The following TAF1D variants were observed in gnomAD, a reference collection of about 807,000 sequenced individuals.
The protein encoded by TAF1D is TATA-box binding protein associated factor, RNA polymerase I subunit D, also known as TATA box-binding protein-associated factor RNA polymerase I subunit D.
Under a neutral mutation model 26.2 loss-of-function variants are expected in TAF1D, and 23 were observed. The ratio of observed to expected loss-of-function variants is 0.88; its 90% CI spans 0.63 to 1.25. TAF1D has a LOEUF of 1.25. Among genes scored for constraint, TAF1D ranks in the 50% most tolerant of loss-of-function variants. The pLI, the probability that TAF1D is intolerant of heterozygous loss-of-function variation, is 0.00. For synonymous variants in TAF1D, 100 were observed against 105.6 expected (o/e 0.95, Z 0.33); for missense variants, 299 against 322.0 (o/e 0.93, Z 0.55).
chr11:93,736,325 A>C, intron 5 of TAF1D, 21 bp from the exon 6 acceptor site: 1 of 1,585,080 alleles, frequency 6.3e-7, no homozygotes, highest in Non-Finnish European at 8.5e-7. Flanking sequence ...CAAACAAAAA[A>C]TCATGGATTA....
chr11:93,732,966 A>G (rs1414986992), downstream of TAF1D: 2 of 311,074 alleles, frequency 6.4e-6, no homozygotes, highest in Non-Finnish European at 1.3e-5. Flanking sequence ...AAATATATAC[A>G]TTGTAATATT....
downstream of TAF1D, chr11:93,733,585 G>A (rs902176409): frequency 1.9e-6 from 1 of 518,464 alleles, no homozygotes; most frequent in African/African-American, 1.9e-5. Flanking sequence ...GCCCCATCGG[G>A]ATAGACCTCA....
downstream of TAF1D, chr11:93,730,805 TAACTCTACTACA>T (rs1037558059): frequency 3.0e-5 from 12 of 405,528 alleles, no homozygotes; most frequent in Non-Finnish European, 5.3e-5. Flanking sequence ...GAGCCTGAGT[TAACTCTACTACA>T]AACTGCTTGG....
chr11:93,738,856 T>C lies in TAF1D; in HGVS notation c.69-357A>G, dbSNP rs1372511374. On this transcript the variant is annotated intron_variant, in intron 2 of 5. Coordinates refer to ENST00000448108, the MANE Select transcript of TAF1D (RefSeq NM_024116.4). Reference sequence around the variant, plus strand: ...AGCTAGGACTAATGGCATGCACCACTATGCTCAGCTTACAAAAAAACTGTA... The same window carrying C: ...AGCTAGGACTAATGGCATGCACCACCATGCTCAGCTTACAAAAAAACTGTA... 9.8e-6 allele frequency: 3 copies of C among 305,168 alleles called. No homozygotes were observed. In the East Asian group the frequency reaches 2.1e-4, roughly 21 times the overall value. 18.9% of individuals were successfully genotyped at this position (305,168 alleles called of 1,614,324 possible).
chr11:93,735,204 T>C (rs759031571), downstream of TAF1D: 168 of 1,351,890 alleles, frequency 1.2e-4, no homozygotes, highest in Middle Eastern at 2.1e-4. Context: ...TGTAAGTCTT[T>C]GTCCACGTTA....
Position 93,736,119 on chromosome 11 carries a change from T to C in TAF1D, c.*42A>G. 6.2e-7 allele frequency: 1 copy of C among 1,609,524 alleles called. No homozygotes were observed. The highest frequency in any genetic ancestry group is 8.5e-7 in the Non-Finnish European group (1 of 1,178,866). On this transcript the variant is annotated 3_prime_UTR_variant, in exon 6 of 6. Coordinates refer to ENST00000448108, the MANE Select transcript of TAF1D (RefSeq NM_024116.4). ...TTTATCTTTATTCATTTCTATGAAG[T>C]CGTTTTTTCTATATGCTTCACCTTT...
At chr11:93,733,158 C>T (rs539397268), downstream of TAF1D, 10 of 504,394 alleles carry the variant, frequency 2.0e-5, no homozygotes, top group Non-Finnish European at 3.6e-5. Flanking sequence ...AGAAAGGATA[C>T]ATTTCCAGTT....
rs993060842 is a variant in TAF1D, at chr11:93,739,234, C to G, written c.68+3G>C. 7 of 1,607,442 alleles carry G rather than the reference C, an allele frequency of 4.4e-6. No homozygotes were observed. Among genetic ancestry groups the G allele is most frequent in the Admixed American group, 1.7e-5 (1 of 59,182 alleles). On this transcript the variant is annotated splice_donor_region_variant and intron_variant, in intron 2 of 5. Coordinates refer to ENST00000448108, the MANE Select transcript of TAF1D (RefSeq NM_024116.4). ...TACAATAAACATGATTGAATCCACT[C>G]ACCTTCGATTTGCAAGTTCCACAGC...
chr11:93,740,794 A>AT (rs1344769369), intron 1 of TAF1D, among the ~76,000 whole-genome samples: 9 of 152,148 alleles, frequency 5.9e-5, no homozygotes, highest in Admixed American at 1.3e-4. Context: ...CCTGTAGTTA[A>AT]TTTTTTTTAA....
Position 93,736,164 on chromosome 11 carries a change from C to A in TAF1D, c.834G>T (p.Met278Ile). Residue 278 changes from methionine to isoleucine, a missense_variant, in exon 6 of 6, where the codon ATG becomes ATT. Transcript: ENST00000448108. The stretch of plus-strand genomic sequence containing the variant: ...ACCTTTGACATTCATGATCCTGTCA[C>A]ATTTTCAGGCCTCTCTGTCCAGTAT... ...AKNTGQRGLK[M>I] 6.2e-7 allele frequency: 1 copy of A among 1,613,340 alleles called. No homozygotes were observed. The highest frequency in any genetic ancestry group is 8.5e-7 in the Non-Finnish European group (1 of 1,179,708).
At chr11:93,739,473 T>C in intron 1 of TAF1D, 142 bp from the exon 2 acceptor site, 1 of 528,460 alleles carries the variant, frequency 1.9e-6, no homozygotes, top group Non-Finnish European at 3.3e-6. Context: ...CCATTTCAGA[T>C]CAGTTTCTTT....
downstream of TAF1D, chr11:93,733,552 A>G (rs756078091): frequency 4.0e-5 from 21 of 518,822 alleles, no homozygotes; most frequent in Admixed American, 3.3e-4. Context: ...GGCGTTTCCA[A>G]CGATGTGCAG....
downstream of TAF1D, chr11:93,730,594 A>T: frequency 1.7e-6 from 1 of 589,954 alleles, no homozygotes; most frequent in African/African-American, 1.8e-5. Context: ...CTTTGGTCAC[A>T]GCGTTAAGAG....
At chr11:93,741,023 C>T (rs956498332) in intron 1 of TAF1D, among the ~76,000 whole-genome samples, 1 of 152,214 alleles carries the variant, frequency 6.6e-6, no homozygotes, top group Admixed American at 6.5e-5. Flanking sequence ...GTAATGGGTA[C>T]CTCACATACG....
rs1455776238 is a variant in TAF1D at position 93,737,175 on chromosome 11, T to C, written c.524A>G (p.Glu175Gly). 1.2e-6 allele frequency: 2 copies of C among 1,612,502 alleles called. No homozygotes were observed. ...EKLKYEHHLKESLKQMNVGED... is the reference protein window; with the variant it reads ...EKLKYEHHLKGSLKQMNVGED... ...ACCAACATTCATTTGCTTCAATGAT[T>C]CTTTCAGGTGGTGTTCATACTTCAG... Residue 175 changes from glutamate to glycine, a missense_variant, in exon 4 of 6, where the codon GAA (glutamate) becomes GGA (glycine). Coordinates refer to ENST00000448108, the MANE Select transcript of TAF1D (RefSeq NM_024116.4).
chr11:93,738,577 C>G, intron 2 of TAF1D, 78 bp from the exon 3 acceptor site: 1 of 1,391,984 alleles, frequency 7.2e-7, no homozygotes, highest in South Asian at 1.6e-5. Flanking sequence ...CCTAAATGTA[C>G]ATTTCTTCCA....
At chr11:93,731,480 C>A (rs1310289565), downstream of TAF1D, 4 of 517,410 alleles carry the variant, frequency 7.7e-6, no homozygotes, top group African/African-American at 5.8e-5. Flanking sequence ...TTCTGAAATA[C>A]AATGCAATAT....
intron 1 of TAF1D, among the ~76,000 whole-genome samples, chr11:93,739,980 AAAG>A (rs1372950271): frequency 1.4e-4 from 21 of 150,150 alleles, no homozygotes; most frequent in Admixed American, 2.0e-4. Flanking sequence ...AAAAAAAAAA[AAAG>A]AAAAAGATTC....
chr11:93,738,841 A>G (rs1307737620), intron 2 of TAF1D: 2 of 301,782 alleles, frequency 6.6e-6, no homozygotes, highest in Non-Finnish European at 1.2e-5. Context: ...AGCTAGGACT[A>G]ATGGCATGCA....
Sources: allele counts gnomAD v4.1 joint callset (sites outside exome capture counted in the v4.1 genomes callset), GRCh38; gene constraint gnomAD v4.1.1; transcripts MANE v1.5; gene names NCBI Gene and HGNC (gene_info 2026-07-23, HGNC 2026-07-21).